S100A10: variants seen among roughly 807,000 people sequenced by gnomAD.
S100A10 encodes S100 calcium binding protein A10, also known as protein S100-A10.
Under a neutral mutation model 7.1 loss-of-function variants are expected in S100A10, and 3 were observed. The ratio of observed to expected loss-of-function variants is 0.42; its 90% CI spans 0.19 to 1.10. The LOEUF is 1.10. Among genes scored for constraint, S100A10 ranks in the 50% least tolerant of loss-of-function variants. The pLI is 0.29. For synonymous variants in S100A10, 41 were observed against 39.3 expected, an observed-to-expected ratio of 1.04 and a Z score of -0.16; for missense variants, 101 against 118.1, an observed-to-expected ratio of 0.86 and a Z score of 0.67.
At chr1:151,991,612 T>C (rs1655904255) in intron 1 of S100A10, among the ~76,000 whole-genome samples, 1 of 152,180 alleles carries the variant, frequency 6.6e-6, no homozygotes, top group Non-Finnish European at 1.5e-5. Flanking sequence ...ATTTGTTGAG[T>C]CCCCAGAAAA....
intron 1 of S100A10, among the ~76,000 whole-genome samples, chr1:151,992,999 T>C (rs977688960): frequency 6.6e-6 from 1 of 152,210 alleles, no homozygotes; most frequent in Non-Finnish European, 1.5e-5. Context: ...TAATCTATGA[T>C]TGGAAGATCC....
chr1:151,986,232 T>G lies in S100A10; in HGVS notation c.-2A>C. 6.2e-7 allele frequency: 1 copy of G among 1,602,182 alleles called. No homozygotes were observed. Among genetic ancestry groups the G allele is most frequent in the South Asian group, 1.1e-5 (1 of 88,520 alleles). On this transcript the variant is annotated 5_prime_UTR_variant, in exon 2 of 3. Transcript: ENST00000368811. ...GGCGTGTTCCATTTGAGATGGCATT[T>G]TGGTGTGGTCCGTTGAAGCCTATTA...
intron 1 of S100A10, 75 bp from the exon 2 acceptor site, chr1:151,986,326 T>A (rs1163880317): frequency 2.9e-6 from 3 of 1,039,052 alleles, no homozygotes; most frequent in East Asian, 2.6e-5. Flanking sequence ...TTATTTTTTT[T>A]AAATTGAAAG....
intron 1 of S100A10, among the ~76,000 whole-genome samples, chr1:151,990,943 T>A (rs1192160259): frequency 6.6e-6 from 1 of 151,748 alleles, no homozygotes; most frequent in African/African-American, 2.4e-5. Flanking sequence ...CAAGCAGGAG[T>A]CCTCCTCAGA....
chr1:151,991,189 A>G (rs535220943), intron 1 of S100A10, among the ~76,000 whole-genome samples: 30 of 152,160 alleles, frequency 2.0e-4, no homozygotes, highest in African/African-American at 7.0e-4. Flanking sequence ...TTGCTTTAGA[A>G]ATTTTGGAGT....
chr1:151,987,432 C>T (rs1259345688), intron 1 of S100A10, among the ~76,000 whole-genome samples: 4 of 152,100 alleles, frequency 2.6e-5, no homozygotes, highest in South Asian at 2.1e-4. Context: ...CTGGTAAATA[C>T]GAAAACTTCA....
intron 2 of S100A10, 109 bp from the exon 3 acceptor site, chr1:151,983,433 CT>C (rs1553185372): frequency 2.4e-5 from 15 of 614,818 alleles, no homozygotes; most frequent in Non-Finnish European, 3.7e-5. Context: ...ATTACTTGAG[CT>C]CTTGTTTTAG....
At chr1:151,986,312 G>T in intron 1 of S100A10, 61 bp from the exon 2 acceptor site, 5 of 1,166,610 alleles carry the variant, frequency 4.3e-6, no homozygotes, top group South Asian at 1.7e-5. Context: ...CTTTATGCAT[G>T]AATTTATTTT....
At chr1:151,991,089 T>C (rs1655894956) in intron 1 of S100A10, among the ~76,000 whole-genome samples, 1 of 152,306 alleles carries the variant, frequency 6.6e-6, no homozygotes, top group East Asian at 1.9e-4. Flanking sequence ...CATACCCTAG[T>C]TTTCTTACAG....
intron 1 of S100A10, among the ~76,000 whole-genome samples, chr1:151,987,544 T>TTC (rs1438752345): frequency 6.8e-6 from 1 of 147,864 alleles, no homozygotes; most frequent in East Asian, 2.0e-4. Context: ...TATTCTTTTT[T>TTC]TTTTTTTTTT....
chr1:151,991,864 G>A (rs996172847), intron 1 of S100A10, among the ~76,000 whole-genome samples: 2 of 152,210 alleles, frequency 1.3e-5, no homozygotes, highest in South Asian at 2.1e-4. Context: ...TGGAGTGGCT[G>A]CTTAGGAGGC....
In S100A10 at chr1:151,984,513, A is replaced by G. The variant is rs141120701; in HGVS notation, c.133-1189T>C. 1.8e-3 allele frequency among the ~76,000 whole-genome samples: 269 copies of G among 152,282 alleles called. 6 individuals carry two copies. The East Asian group carries it at 0.027, about 15-fold the overall frequency. On this transcript the variant is annotated intron_variant, in intron 2 of 2. Coordinates refer to ENST00000368811, the MANE Select transcript of S100A10 (RefSeq NM_002966.3). ...TGCTCTGTTAATGCAGTGAGTCTAG[A>G]TGTTTCCAGAATTATGACTCTGTGC...
intron 1 of S100A10, 49 bp from the exon 2 acceptor site, chr1:151,986,300 G>C (rs1323692811): frequency 1.6e-6 from 2 of 1,269,192 alleles, no homozygotes; most frequent in East Asian, 2.6e-5. Context: ...TTTTTTGGCA[G>C]ACTTTATGCA....
At chr1:151,988,848 G>A (rs942882324) in intron 1 of S100A10, among the ~76,000 whole-genome samples, 21 of 152,266 alleles carry the variant, frequency 1.4e-4, no homozygotes, top group African/African-American at 2.6e-4. Context: ...TGAACTGGGC[G>A]AGTCACCTCT....
chr1:151,983,334 A>C lies in S100A10; in HGVS notation c.133-10T>G. 6.6e-7 allele frequency: 1 copy of C among 1,523,674 alleles called. No homozygotes were observed. The highest frequency in any genetic ancestry group is 8.8e-7 in the Non-Finnish European group (1 of 1,140,546). The allele number at this position is 1,523,674 out of a possible 1,614,324, so 94.4% of individuals were successfully genotyped here. ...GAGGGTCTTTTTGATTCTGAAAAAA[A>C]AAAGAACAAAGGCAAGAAATAGAAG... On this transcript the variant is annotated splice_polypyrimidine_tract_variant and intron_variant, in intron 2 of 2. Transcript: ENST00000368811.
At chr1:151,986,882 C>T (rs1393774280) in intron 1 of S100A10, among the ~76,000 whole-genome samples, 1 of 152,146 alleles carries the variant, frequency 6.6e-6, no homozygotes, top group African/African-American at 2.4e-5. Flanking sequence ...CAGTCCACCC[C>T]AGTTTGGGTC....
chr1:151,986,684 T>C (rs1655797668), intron 1 of S100A10, among the ~76,000 whole-genome samples: 1 of 152,238 alleles, frequency 6.6e-6, no homozygotes, highest in East Asian at 1.9e-4. Context: ...TGAGATCATC[T>C]GGTAATTGTC....
rs1410998540 is a variant in S100A10, at chr1:151,993,316, C to T, written c.-22+436G>A. ...GGGCGGTACAGCCGGGAGCAGGCTA[C>T]GAACATGCAGACCCGGCCTGCGAGC... On this transcript the variant is annotated intron_variant, in intron 1 of 2. Coordinates refer to ENST00000368811, the MANE Select transcript of S100A10 (RefSeq NM_002966.3). The surrounding 1 kb of genome is among the most constrained non-coding windows in gnomAD (Gnocchi z 5.1). Among the ~76,000 whole-genome samples, 3 of 152,132 alleles carry T rather than the reference C, an allele frequency of 2.0e-5. No homozygotes were observed. The highest frequency in any genetic ancestry group is 4.4e-5 in the Non-Finnish European group (3 of 68,026).
chr1:151,991,652 T>C (rs1655905131), intron 1 of S100A10, among the ~76,000 whole-genome samples: 1 of 152,244 alleles, frequency 6.6e-6, no homozygotes, highest in Non-Finnish European at 1.5e-5. Context: ...AAAATTTTAG[T>C]CCAGCTTTCT....
Sources: allele counts gnomAD v4.1 joint callset (sites outside exome capture counted in the v4.1 genomes callset), GRCh38; gene constraint gnomAD v4.1.1; non-coding constraint Gnocchi (gnomAD v3.1); transcripts MANE v1.5; gene names NCBI Gene and HGNC (gene_info 2026-07-23, HGNC 2026-07-21).